Variants in MTA3 observed in about 807,000 individuals in gnomAD.
The protein encoded by MTA3 is metastasis-associated protein MTA3.
In MTA3, 34 loss-of-function variants were observed where a neutral mutation model predicts 83.5. That is an observed-to-expected ratio of 0.41 (90% CI 0.31 to 0.54). The LOEUF is 0.54. MTA3 is among the 20% of genes least tolerant of loss of function. MTA3 has a pLI of 0.33. For missense variants in MTA3, 761 were observed against 726.4 expected, an observed-to-expected ratio of 1.05 and a Z score of -0.55; for synonymous variants, 303 against 252.7, an observed-to-expected ratio of 1.20 and a Z score of -1.89.
intron 2 of MTA3, among the ~76,000 whole-genome samples, chr2:42,512,283 C>G (rs562171677): frequency 2.6e-5 from 4 of 152,074 alleles, no homozygotes; most frequent in Non-Finnish European, 2.9e-5. Context: ...GAGCCTATGG[C>G]TCAGCCAAAA....
At chr2:42,721,974 G>T (rs941446998) in intron 15 of MTA3, among the ~76,000 whole-genome samples, 1 of 152,188 alleles carries the variant, frequency 6.6e-6, no homozygotes, top group African/African-American at 2.4e-5. Flanking sequence ...GACCAGAGCT[G>T]TAGTAATTCT....
At chr2:42,708,309 A>G (rs902957410) in intron 13 of MTA3, among the ~76,000 whole-genome samples, 1 of 152,244 alleles carries the variant, frequency 6.6e-6, no homozygotes, top group Admixed American at 6.5e-5. Context: ...AGAGCTTACA[A>G]ATTAAATGTT....
intron 2 of MTA3, among the ~76,000 whole-genome samples, chr2:42,531,470 T>TTTTTTTTA (rs1675964540): frequency 6.9e-6 from 1 of 145,198 alleles, no homozygotes; most frequent in Non-Finnish European, 1.5e-5. Context: ...TTTTTTTTTT[T>TTTTTTTTA]GAGAAGGACT....
intron 2 of MTA3, among the ~76,000 whole-genome samples, chr2:42,557,966 C>A (rs2103792594): frequency 6.6e-6 from 1 of 152,256 alleles, no homozygotes; most frequent in Non-Finnish European, 1.5e-5. Flanking sequence ...AGCTGCCTAG[C>A]ACCTGAAGAA....
At position 42,636,823 on chromosome 2, in the gene MTA3, C is replaced by T. The variant is rs142388132; in HGVS notation, c.318-3350C>T. Among the ~76,000 whole-genome samples the T allele has an allele frequency of 7.3e-3, 1,111 of 152,032 alleles. 8 individuals are homozygous for T. The highest frequency in any genetic ancestry group is 0.018 in the South Asian group (87 of 4,800). On this transcript the variant is annotated intron_variant, in intron 4 of 16. Transcript: ENST00000405094. ...TGTGTTTTTAGTAGAGACAGGGCTT[C>T]ACCGTATTGGCCAGGCTGGTCTCGA...
At chr2:42,698,620 T>C (rs1217731832) in intron 11 of MTA3, 4 of 152,242 alleles carry the variant, frequency 2.6e-5, no homozygotes, top group Non-Finnish European at 1.5e-5. Flanking sequence ...ATGAAATTTA[T>C]TGCAGAGTTC....
chr2:42,604,873 C>A lies in MTA3; in HGVS notation c.191-4585C>A, dbSNP rs1016328867. 2.0e-5 allele frequency among the ~76,000 whole-genome samples: 3 copies of A among 149,042 alleles called. No individual in the cohort carries two copies. The South Asian group carries it at 6.5e-4, about 32-fold the overall frequency. On this transcript the variant is annotated intron_variant, in intron 3 of 16. Coordinates refer to ENST00000405094, the MANE Select transcript of MTA3 (RefSeq NM_001330442.2). ...CATTTAACCCTGAGTGGACACAGCACATGTTTCAGAGAGCACAGGGTTGGG... is the reference window on the plus strand; with the variant it reads ...CATTTAACCCTGAGTGGACACAGCAAATGTTTCAGAGAGCACAGGGTTGGG...
chr2:42,692,126 G>C (rs1390392448), intron 9 of MTA3, among the ~76,000 whole-genome samples: 1 of 151,970 alleles, frequency 6.6e-6, no homozygotes, highest in Non-Finnish European at 1.5e-5. Context: ...CTATTTTCTA[G>C]ATCCTATAAG....
chr2:42,524,096 A>G (rs1675554716), intron 2 of MTA3, among the ~76,000 whole-genome samples: 1 of 152,012 alleles, frequency 6.6e-6, no homozygotes, highest in Non-Finnish European at 1.5e-5. Context: ...ATCCTAAGAA[A>G]CATCTTCAGC....
chr2:42,619,508 C>G (rs1166547520), intron 4 of MTA3, among the ~76,000 whole-genome samples: 1 of 151,984 alleles, frequency 6.6e-6, no homozygotes, highest in Non-Finnish European at 1.5e-5. Context: ...CCTCTACATA[C>G]AAAGTAAAAT....
At chr2:42,497,190 G>A (rs1364069712) in intron 2 of MTA3, among the ~76,000 whole-genome samples, 1 of 151,460 alleles carries the variant, frequency 6.6e-6, no homozygotes, top group Admixed American at 6.6e-5. Flanking sequence ...TGGGCTACAA[G>A]AGCAAAACTC....
chr2:42,628,601 C>G (rs1303054136), intron 4 of MTA3, among the ~76,000 whole-genome samples: 2 of 152,158 alleles, frequency 1.3e-5, no homozygotes, highest in Admixed American at 1.3e-4. Flanking sequence ...TCATTTAATT[C>G]ATTATTCTGT....
At chr2:42,733,623 G>C (rs1055594215) in intron 16 of MTA3, among the ~76,000 whole-genome samples, 1 of 152,116 alleles carries the variant, frequency 6.6e-6, no homozygotes, top group South Asian at 2.1e-4. Flanking sequence ...CGACCCACTG[G>C]TCATTCAGGA....
chr2:42,695,540 C>T (rs1693304126), intron 9 of MTA3, among the ~76,000 whole-genome samples: 1 of 138,096 alleles, frequency 7.2e-6, no homozygotes, highest in South Asian at 2.2e-4. Context: ...GGAGGCTAGG[C>T]AGAAGAATTG....
At chr2:42,625,846 T>A (rs1686024223) in intron 4 of MTA3, among the ~76,000 whole-genome samples, 1 of 151,624 alleles carries the variant, frequency 6.6e-6, no homozygotes, top group Non-Finnish European at 1.5e-5. Context: ...TGTTGTTGCC[T>A]AAATTGTTTC....
chr2:42,665,351 C>G (rs186250799), intron 8 of MTA3, among the ~76,000 whole-genome samples: 76 of 152,192 alleles, frequency 5.0e-4, no homozygotes, highest in African/African-American at 1.7e-3. Context: ...GAGATTGTGC[C>G]ACTGCACTTC....
At chr2:42,640,409 G>A (rs1687600306) in intron 5 of MTA3, among the ~76,000 whole-genome samples, 173 bp downstream of exon 5, 1 of 152,082 alleles carries the variant, frequency 6.6e-6, no homozygotes, top group Admixed American at 6.6e-5. Context: ...GATTTTTCTG[G>A]TTATCTGAGA....
intron 16 of MTA3, among the ~76,000 whole-genome samples, chr2:42,752,719 A>T (rs571042859): frequency 6.6e-6 from 1 of 152,220 alleles, no homozygotes; most frequent in South Asian, 2.1e-4. Flanking sequence ...CTCCCAGCCA[A>T]CTGTGTTCCC....
At chr2:42,571,488 T>G (rs1678473618) in intron 2 of MTA3, among the ~76,000 whole-genome samples, 1 of 152,132 alleles carries the variant, frequency 6.6e-6, no homozygotes, top group South Asian at 2.1e-4. Flanking sequence ...TATTTAAAAG[T>G]GTGCAGATAT....
Sources: allele counts gnomAD v4.1 joint callset (sites outside exome capture counted in the v4.1 genomes callset), GRCh38; gene constraint gnomAD v4.1.1; transcripts MANE v1.5; gene names NCBI Gene and HGNC (gene_info 2026-07-23, HGNC 2026-07-21).